The following KCNC2 variants were observed in gnomAD, a reference collection of about 807,000 sequenced individuals.
The protein encoded by KCNC2 is potassium voltage-gated channel subfamily C member 2.
In KCNC2, 21 loss-of-function variants were observed where a neutral mutation model predicts 44.5. The observed-to-expected ratio is 0.47, with a 90% CI of 0.33 to 0.68. KCNC2 has a LOEUF of 0.68. KCNC2 is among the 30% of genes least tolerant of loss of function. The pLI is 0.01. For synonymous variants in KCNC2, 391 were observed against 339.1 expected (o/e 1.15, Z -1.68); for missense variants, 589 against 826.2 (o/e 0.71, Z 3.52).
At chr12:75,128,762 GA>G (rs1888624774) in intron 2 of KCNC2, among the ~76,000 whole-genome samples, 3 of 152,202 alleles carry the variant, frequency 2.0e-5, no homozygotes, top group Non-Finnish European at 2.9e-5. Context: ...GAGGGATGGA[GA>G]AATGCATACA....
At chr12:75,067,017 A>C (rs1412703253) in intron 2 of KCNC2, among the ~76,000 whole-genome samples, 1 of 152,138 alleles carries the variant, frequency 6.6e-6, no homozygotes, top group African/African-American at 2.4e-5. Context: ...AGCCTGGGCT[A>C]CATGGAAAAA....
intron 2 of KCNC2, among the ~76,000 whole-genome samples, chr12:75,136,054 C>G (rs1474225399): frequency 6.6e-6 from 1 of 151,886 alleles, no homozygotes; most frequent in Non-Finnish European, 1.5e-5. Context: ...TCCTTTTTTT[C>G]TTGGTATATT....
At chr12:75,075,910 G>T (rs10400465) in intron 2 of KCNC2, among the ~76,000 whole-genome samples, 135,080 of 152,210 alleles carry the variant, frequency 0.89, 59,984 homozygotes, top group Admixed American at 0.91. Context: ...TGTTTAATTT[G>T]GCAAATGACC....
chr12:75,076,418 G>A (rs950445719), intron 2 of KCNC2, among the ~76,000 whole-genome samples: 2 of 152,026 alleles, frequency 1.3e-5, no homozygotes, highest in African/African-American at 4.8e-5. Flanking sequence ...GACTAGAGGC[G>A]CCCGCTACCA....
At chr12:75,205,197 G>A (rs1025525633) in intron 2 of KCNC2, among the ~76,000 whole-genome samples, 1 of 152,104 alleles carries the variant, frequency 6.6e-6, no homozygotes, top group African/African-American at 2.4e-5. Flanking sequence ...AGACCTCTGG[G>A]ATAACTTTGG....
At chr12:75,145,850 T>C (rs1456790018) in intron 2 of KCNC2, among the ~76,000 whole-genome samples, 2 of 152,126 alleles carry the variant, frequency 1.3e-5, no homozygotes, top group Non-Finnish European at 2.9e-5. Flanking sequence ...AATTAATATA[T>C]ATTACTGTTG....
At chr12:75,092,155 C>T (rs1474098225) in intron 2 of KCNC2, among the ~76,000 whole-genome samples, 2 of 151,644 alleles carry the variant, frequency 1.3e-5, no homozygotes, top group Non-Finnish European at 3.0e-5. Flanking sequence ...TTTTCATCCC[C>T]TATATAACTC....
intron 4 of KCNC2, among the ~76,000 whole-genome samples, chr12:75,046,294 ATTGCTTTGC>A (rs1162065726): frequency 6.6e-6 from 1 of 151,776 alleles, no homozygotes; most frequent in Admixed American, 6.6e-5. Flanking sequence ...TATCTTATTA[ATTGCTTTGC>A]TTGCAAAACT....
chr12:75,138,537 T>A (rs1889392836), intron 2 of KCNC2, among the ~76,000 whole-genome samples: 1 of 152,174 alleles, frequency 6.6e-6, no homozygotes, highest in Non-Finnish European at 1.5e-5. Flanking sequence ...ACGTCCATAT[T>A]TTAATAGCCT....
chr12:75,145,479 G>T (rs1592964086), intron 2 of KCNC2, among the ~76,000 whole-genome samples: 1 of 149,360 alleles, frequency 6.7e-6, no homozygotes, highest in East Asian at 2.0e-4. Context: ...AAAAAAAAAA[G>T]ACATTATCCT....
chr12:75,152,011 TTA>T (rs909978836), intron 2 of KCNC2, among the ~76,000 whole-genome samples: 82 of 143,988 alleles, frequency 5.7e-4, no homozygotes, highest in African/African-American at 2.0e-3. Context: ...TATTATACAT[TTA>T]TATATATATA....
chr12:75,066,298 G>A (rs1210645669), intron 2 of KCNC2, among the ~76,000 whole-genome samples: 4 of 152,004 alleles, frequency 2.6e-5, no homozygotes, highest in Non-Finnish European at 4.4e-5. Context: ...CTCAAAGCTT[G>A]AGCTATACAA....
chr12:75,176,339 G>T (rs1051472839), intron 2 of KCNC2, among the ~76,000 whole-genome samples: 6 of 151,982 alleles, frequency 3.9e-5, no homozygotes, highest in Non-Finnish European at 7.4e-5. Flanking sequence ...GTCCTCCCTG[G>T]TGTGGGCTAC....
In KCNC2 at chr12:75,086,479, T is replaced by C. The variant is rs561087302; in HGVS notation, c.688-35162A>G. ...CTATATTTTACCTTCTTCGTGTGTC[T>C]CCTCTTGAAATACTAAAATGCATGT... On this transcript the variant is annotated intron_variant, in intron 2 of 4. Coordinates refer to ENST00000549446, the MANE Select transcript of KCNC2 (RefSeq NM_139137.4). Among the ~76,000 whole-genome samples the C allele has an allele frequency of 3.3e-5, 5 of 152,018 alleles. No individual in the cohort carries two copies. In the East Asian group the frequency reaches 9.7e-4, roughly 29 times the overall value.
chr12:75,145,048 T>G (rs948448074), intron 2 of KCNC2, among the ~76,000 whole-genome samples: 6 of 152,210 alleles, frequency 3.9e-5, no homozygotes, highest in Non-Finnish European at 1.5e-5. Flanking sequence ...CTTCTGTGTC[T>G]TTTTACTGGA....
intron 2 of KCNC2, among the ~76,000 whole-genome samples, chr12:75,147,203 C>T (rs1201858444): frequency 6.6e-6 from 1 of 151,684 alleles, no homozygotes; most frequent in Non-Finnish European, 1.5e-5. Context: ...AATAAGACAC[C>T]TAGAGATAAA....
intron 2 of KCNC2, among the ~76,000 whole-genome samples, chr12:75,184,081 C>T (rs759042278): frequency 6.6e-6 from 1 of 152,176 alleles, no homozygotes; most frequent in Non-Finnish European, 1.5e-5. Context: ...CTTCACTTCT[C>T]CATCTCCTCC....
At chr12:75,059,430 C>A (rs562253765) in intron 2 of KCNC2, among the ~76,000 whole-genome samples, 1 of 152,192 alleles carries the variant, frequency 6.6e-6, no homozygotes, top group East Asian at 1.9e-4. Flanking sequence ...GACATGTGGT[C>A]TCTCAACTCA....
At position 75,192,338 on chromosome 12, in the gene KCNC2, A is replaced by T. The variant is rs1168296387; in HGVS notation, c.687+14959T>A. Among the ~76,000 whole-genome samples, 42 of 152,200 alleles carry T rather than the reference A, an allele frequency of 2.8e-4. 1 individual carries two copies. Among genetic ancestry groups the T allele is most frequent in the Admixed American group, 2.7e-3 (42 of 15,284 alleles). On this transcript the variant is annotated intron_variant, in intron 2 of 4. Transcript: ENST00000549446. The stretch of plus-strand genomic sequence containing the variant: ...ACAATCAGTGCCATCTATTATTGTT[A>T]GTTAGAAGCTTCTCTACATAATGGG...
Sources: allele counts gnomAD v4.1 joint callset (sites outside exome capture counted in the v4.1 genomes callset), GRCh38; gene constraint gnomAD v4.1.1; transcripts MANE v1.5; gene names NCBI Gene and HGNC (gene_info 2026-07-23, HGNC 2026-07-21).